Variants in BAP1 observed in about 807,000 individuals in gnomAD.
BAP1 encodes BRCA1 associated deubiquitinase 1.
Under a neutral mutation model 77.2 loss-of-function variants are expected in BAP1, and 16 were observed. The ratio of observed to expected loss-of-function variants is 0.21; its 90% CI spans 0.14 to 0.31. The LOEUF (loss-of-function observed/expected upper bound fraction) is 0.31, where lower values mean the gene tolerates loss of function less well. Among genes scored for constraint, BAP1 ranks in the 10% least tolerant of loss-of-function variants. The pLI is 1.00. For missense variants in BAP1, 699 were observed against 967.3 expected, an observed-to-expected ratio of 0.72 and a Z score of 3.68; for synonymous variants, 362 against 385.2, an observed-to-expected ratio of 0.94 and a Z score of 0.71.
rs2153226551 is a variant in BAP1, at chr3:52,403,390, G to C, written c.1729+26C>G. On this transcript the variant is annotated intron_variant, in intron 13 of 16. Transcript: ENST00000460680. This position sits in a 1 kb window ranked among gnomAD's most constrained non-coding sequence, Gnocchi z 4.0. ...CTCCTCCCTCCTGGGTGCACCAAGT[G>C]GCCAGTGAGCCAGTCCAAGGCCCAC... The C allele has an allele frequency of 6.2e-7, 1 of 1,612,756 alleles. No individual in the cohort carries two copies. Among genetic ancestry groups the C allele is most frequent in the Non-Finnish European group, 8.5e-7 (1 of 1,179,464 alleles).
intron 10 of BAP1, 68 bp from the exon 11 acceptor site, chr3:52,405,362 G>C (rs1331349755): frequency 8.8e-6 from 14 of 1,596,748 alleles, no homozygotes; most frequent in South Asian, 2.2e-5. Context: ...CAGTCTCCCC[G>C]GCCCTGTGAA....
Position 52,405,926 on chromosome 3 carries a change from C to T in BAP1, c.784-14G>A, listed in dbSNP as rs1057523584. 1 of 1,613,918 alleles carries T rather than the reference C, an allele frequency of 6.2e-7. No homozygotes were observed. Among genetic ancestry groups the T allele is most frequent in the South Asian group, 1.1e-5 (1 of 91,080 alleles). On this transcript the variant is annotated splice_polypyrimidine_tract_variant and intron_variant, in intron 9 of 16. Coordinates refer to ENST00000460680, the MANE Select transcript of BAP1 (RefSeq NM_004656.4). ...TACTCTTATCAGCTAACAACAGAAT[C>T]CAGGGCTCAGAGGAGAAAGGGTAGA...
At chr3:52,408,764 G>A (rs1705249396) in intron 3 of BAP1, among the ~76,000 whole-genome samples, 158 bp from the exon 4 acceptor site, 1 of 152,242 alleles carries the variant, frequency 6.6e-6, no homozygotes, top group South Asian at 2.1e-4. Flanking sequence ...TGTGTCTGAA[G>A]TGGCCTTGTG....
chr3:52,405,492 GAAAAAAAAAAAAAAAAAA>G (rs71084182), intron 10 of BAP1, 198 bp from the exon 11 acceptor site: 14 of 81,300 alleles, frequency 1.7e-4, no homozygotes, highest in Non-Finnish European at 4.2e-5. Context: ...GAAGCAGGAA[GAAAAAAAAAAAAAAAAAA>G]AAAAAAAAAA....
At position 52,403,515 on chromosome 3, in the gene BAP1, T is replaced by C. The variant is rs1705040492; in HGVS notation, c.1630A>G (p.Ile544Val). 2.5e-6 allele frequency: 4 copies of C among 1,614,058 alleles called. No homozygotes were observed. Among genetic ancestry groups the C allele is most frequent in the South Asian group, 2.2e-5 (2 of 91,084 alleles). Reference sequence around the variant, plus strand: ...TCACGGACAGCACGGTTGTAGCGTATGCAGTCAACACGCAGCAGGCTGTCA... The same window carrying C: ...TCACGGACAGCACGGTTGTAGCGTACGCAGTCAACACGCAGCAGGCTGTCA... ...EDDSLLRVDCIRYNRAVRDLG... is the reference protein window; with the variant it reads ...EDDSLLRVDCVRYNRAVRDLG... Residue 544 changes from isoleucine to valine, a missense_variant, in exon 13 of 17, where the codon ATA becomes GTA. Ile to Val is a conservative substitution (Grantham distance 29, BLOSUM62 3). This residue lies in a region of BAP1 where 475 missense variants were observed against 532.4 expected (regional missense o/e 0.89). Transcript: ENST00000460680. The surrounding 1 kb of genome is among the most constrained non-coding windows in gnomAD (Gnocchi z 4.0).
intron 7 of BAP1, 113 bp from the exon 8 acceptor site, chr3:52,407,020 C>A: frequency 6.7e-7 from 1 of 1,489,014 alleles, no homozygotes; most frequent in South Asian, 1.2e-5. Context: ...AGGAGCTGGT[C>A]GGGCAATATG....
rs1553644721 is a variant in BAP1, at chr3:52,403,204, G to A, written c.1824C>T (p.Asp608=). The stretch of plus-strand genomic sequence containing the variant: ...TCACCATCCCCGTCTTCTCTCTGCT[G>A]TCCGTGGCTTCCACGACCTCCTTCT... ...PVEKEVVEAT[D]SREKTGMVRP... The change falls in exon 14 of 17, where the codon GAC becomes GAT. Residue 608 remains aspartate (D), a synonymous_variant. Transcript: ENST00000460680. This position sits in a 1 kb window ranked among gnomAD's most constrained non-coding sequence, Gnocchi z 4.0. The A allele has an allele frequency of 4.3e-6, 7 of 1,614,194 alleles. No homozygotes were observed. The highest frequency in any genetic ancestry group is 5.1e-6 in the Non-Finnish European group (6 of 1,180,050).
rs2153227835 is a variant in BAP1 at position 52,407,254 on chromosome 3, G to A, written c.500C>T (p.Ala167Val). ...NGLSAVRTME[A>V]FHFVSYVPIT... Reference sequence around the variant, plus strand: ...AGGCACATAGCTGACAAAGTGGAACGCCTCCATGGTCCGCACTGCACTAAG... The same window carrying A: ...AGGCACATAGCTGACAAAGTGGAACACCTCCATGGTCCGCACTGCACTAAG... Residue 167 changes from alanine to valine, a missense_variant, in exon 7 of 17, where the codon GCG (alanine) becomes GTG (valine). This residue lies in a region of BAP1 where 160 missense variants were observed against 322.8 expected (regional missense o/e 0.50). Transcript: ENST00000460680. 1 of 1,614,134 alleles carries A rather than the reference G, an allele frequency of 6.2e-7. No homozygotes were observed. Among genetic ancestry groups the A allele is most frequent in the Non-Finnish European group, 8.5e-7 (1 of 1,180,034 alleles).
At chr3:52,409,523 T>G in intron 3 of BAP1, 31 bp downstream of exon 3, 11 of 1,613,940 alleles carry the variant, frequency 6.8e-6, no homozygotes, top group Non-Finnish European at 9.3e-6. Flanking sequence ...ACTCTGGGTG[T>G]AAGGGGCAGC....
At chr3:52,407,922 T>G (rs376350342) in intron 5 of BAP1, 36 bp downstream of exon 5, 8 of 1,612,542 alleles carry the variant, frequency 5.0e-6, no homozygotes, top group Non-Finnish European at 6.8e-6. Flanking sequence ...ATCTGCCCAG[T>G]TGGCTGTGAG....
In BAP1 at chr3:52,406,112, G is replaced by A. The variant is rs1705147967; in HGVS notation, c.783+141C>T. Reference sequence around the variant, plus strand: ...CAAGTCCCACCTTTCCCACAATGGGGGCAAAGAAAAGATGTGGTTAGCTGA... The same window carrying A: ...CAAGTCCCACCTTTCCCACAATGGGAGCAAAGAAAAGATGTGGTTAGCTGA... On this transcript the variant is annotated intron_variant, in intron 9 of 16. Coordinates refer to ENST00000460680, the MANE Select transcript of BAP1 (RefSeq NM_004656.4). The surrounding 1 kb of genome is among the most constrained non-coding windows in gnomAD (Gnocchi z 4.6). The A allele has an allele frequency of 3.9e-6, 6 of 1,532,966 alleles. No homozygotes were observed. Among genetic ancestry groups the A allele is most frequent in the African/African-American group, 1.4e-5 (1 of 73,368 alleles). The allele number at this position is 1,532,966 out of a possible 1,614,324, so 95.0% of individuals were successfully genotyped here. A position where few individuals can be genotyped will look rare whatever the true frequency, so the allele number is the denominator to read the frequency against.
Position 52,405,555 on chromosome 3 carries a change from A to T in BAP1, c.931+210T>A, listed in dbSNP as rs566411176. On this transcript the variant is annotated intron_variant, in intron 10 of 16. Coordinates refer to ENST00000460680, the MANE Select transcript of BAP1 (RefSeq NM_004656.4). ...AGAGAAAACAAGAAAGGGAGTGTACATTACAGAGAAGGGCCCAGGGGCCTG... is the reference window on the plus strand; with the variant it reads ...AGAGAAAACAAGAAAGGGAGTGTACTTTACAGAGAAGGGCCCAGGGGCCTG... 1,023 of 730,752 alleles carry T rather than the reference A, an allele frequency of 1.4e-3. 3 individuals are homozygous for T. Among genetic ancestry groups the T allele is most frequent in the Middle Eastern group, 2.8e-3 (7 of 2,498 alleles). The allele number at this position is 730,752 out of a possible 1,614,324, so 45.3% of individuals were successfully genotyped here. A position where few individuals can be genotyped will look rare whatever the true frequency, so the allele number is the denominator to read the frequency against.
chr3:52,408,818 G>A (rs1014162419), intron 3 of BAP1, among the ~76,000 whole-genome samples: 1 of 152,228 alleles, frequency 6.6e-6, no homozygotes, highest in Non-Finnish European at 1.5e-5. Flanking sequence ...CAAAGCATAA[G>A]CCTCTGACTG....
rs1705131000 is a variant in BAP1, at chr3:52,405,614, T to G, written c.931+151A>C. ...GCGGCCCTTTACAGGTGCCTTTCTT[T>G]AGGGAAGGACTGCTCTCCCTCTACC... is the stretch of plus-strand genomic sequence containing the variant. On this transcript the variant is annotated intron_variant, in intron 10 of 16. Coordinates refer to ENST00000460680, the MANE Select transcript of BAP1 (RefSeq NM_004656.4). 11 of 1,264,490 alleles carry G rather than the reference T, an allele frequency of 8.7e-6. No individual in the cohort carries two copies. The East Asian group carries it at 2.3e-4, about 26-fold the overall frequency. The allele number at this position is 1,264,490 out of a possible 1,614,324, so 78.3% of individuals were successfully genotyped here.
rs979378402 is a variant in BAP1, at chr3:52,401,304, C to T, written c.*984G>A. 3 of 233,464 alleles carry T rather than the reference C, an allele frequency of 1.3e-5. No homozygotes were observed. Among genetic ancestry groups the T allele is most frequent in the Middle Eastern group, 1.3e-3 (1 of 790 alleles). The allele number at this position is 233,464 out of a possible 1,614,324, so 14.5% of individuals were successfully genotyped here. Reference sequence around the variant, plus strand: ...CAACGGGTTGTCTTGATCCTGCTGTCCCCCACCCTGAGTGCCTTGCAGAGG... The same window carrying T: ...CAACGGGTTGTCTTGATCCTGCTGTTCCCCACCCTGAGTGCCTTGCAGAGG... On this transcript the variant is annotated 3_prime_UTR_variant, in exon 17 of 17. Transcript: ENST00000460680.
Position 52,403,834 on chromosome 3 carries a change from C to T in BAP1, c.1311G>A (p.Leu437=). 6.2e-7 allele frequency: 1 copy of T among 1,614,136 alleles called. No individual in the cohort carries two copies. Among genetic ancestry groups the T allele is most frequent in the Non-Finnish European group, 8.5e-7 (1 of 1,180,016 alleles). The change falls in exon 13 of 17, where the codon CTG becomes CTA. Residue 437 remains leucine, a synonymous_variant. Transcript: ENST00000460680. The surrounding 1 kb of genome is among the most constrained non-coding windows in gnomAD (Gnocchi z 4.0). ...GALSGSADGQ[L]SVLQPNTINV... is the part of the protein sequence containing the mutation. Reference sequence around the variant, plus strand: ...TGATGGTGTTGGGCTGCAGCACTGACAGTTGCCCATCAGCAGAACCGCTCA... The same window carrying T: ...TGATGGTGTTGGGCTGCAGCACTGATAGTTGCCCATCAGCAGAACCGCTCA...
At chr3:52,408,856 C>A (rs911215823) in intron 3 of BAP1, among the ~76,000 whole-genome samples, 13 of 152,204 alleles carry the variant, frequency 8.5e-5, no homozygotes, top group Non-Finnish European at 2.9e-5. Context: ...ACCCAGTCTC[C>A]TTATGAAGTC....
Position 52,401,962 on chromosome 3 carries a change from G to A in BAP1, c.*326C>T, listed in dbSNP as rs962526176. 2 of 469,068 alleles carry A rather than the reference G, an allele frequency of 4.3e-6. No homozygotes were observed. Among genetic ancestry groups the A allele is most frequent in the African/African-American group, 3.9e-5 (2 of 51,948 alleles). 29.1% of individuals were successfully genotyped at this position (469,068 alleles called of 1,614,324 possible). A position where few individuals can be genotyped will look rare whatever the true frequency, so the allele number is the denominator to read the frequency against. Reference sequence around the variant, plus strand: ...TGTTGGGTTGGAGCCCAGAAAAATAGATGTCTCTGATAGGTAAAATATATA... The same window carrying A: ...TGTTGGGTTGGAGCCCAGAAAAATAAATGTCTCTGATAGGTAAAATATATA... On this transcript the variant is annotated 3_prime_UTR_variant, in exon 17 of 17. Transcript: ENST00000460680.
rs745359087 is a variant in BAP1, at chr3:52,409,726, C to G, written c.55G>C (p.Val19Leu). Reference sequence around the variant, plus strand: ...AAAAGGCTCTTACCGAAATCTTCCACGAGCAGGGTGAAGAGGCCTGGGTGG... The same window carrying G: ...AAAAGGCTCTTACCGAAATCTTCCAGGAGCAGGGTGAAGAGGCCTGGGTGG... ...ESDPGLFTLL[V>L]EDFGVKGVQV... The change falls in exon 2 of 17, where the codon GTG (valine) becomes CTG (leucine). Residue 19 changes from valine to leucine, a missense_variant. This residue lies in a region of BAP1 where 160 missense variants were observed against 322.8 expected (regional missense o/e 0.50). Coordinates refer to ENST00000460680, the MANE Select transcript of BAP1 (RefSeq NM_004656.4). 1 of 1,614,092 alleles carries G rather than the reference C, an allele frequency of 6.2e-7. No homozygotes were observed.
Sources: gnomAD v4.1 joint callset for allele counts (sites outside exome capture counted in the v4.1 genomes callset) on GRCh38, gnomAD v4.1.1 for gene constraint, gnomAD v4.1.1 regional missense constraint, Gnocchi (gnomAD v3.1) non-coding constraint, MANE v1.5 for transcripts, NCBI Gene and HGNC (gene_info 2026-07-23, HGNC 2026-07-21) for gene names.